RGCC: variants seen among roughly 807,000 people sequenced by gnomAD.
RGCC encodes the protein regulator of cell cycle RGCC.
Under a neutral mutation model 15.4 loss-of-function variants are expected in RGCC, and 15 were observed. The ratio of observed to expected loss-of-function variants is 0.97; its 90% confidence interval spans 0.65 to 1.50. The LOEUF (loss-of-function observed/expected upper bound fraction) is 1.50. Ranked by LOEUF, RGCC falls within the 40% of genes most tolerant of loss-of-function variation. The pLI is 0.00. For synonymous variants in RGCC, 81 were observed against 78.0 expected, an observed-to-expected ratio of 1.04 and a Z score of -0.20; for missense variants, 176 against 189.7, an observed-to-expected ratio of 0.93 and a Z score of 0.42.
intron 4 of RGCC, among the ~76,000 whole-genome samples, chr13:41,469,901 C>T (rs1327432898): frequency 6.6e-6 from 1 of 152,182 alleles, no homozygotes; most frequent in African/African-American, 2.4e-5. Context: ...GGACCAACTC[C>T]AGCTTCTGGG....
chr13:41,466,311 TCACA>T (rs551833598), intron 2 of RGCC, among the ~76,000 whole-genome samples: 110 of 151,338 alleles, frequency 7.3e-4, no homozygotes, highest in Non-Finnish European at 1.4e-3. Flanking sequence ...ACTTTCTCTC[TCACA>T]CACACACACT....
In RGCC at chr13:41,457,556, G is replaced by A; in HGVS notation, c.-152G>A. On this transcript the variant is annotated 5_prime_UTR_variant, in exon 1 of 5. Transcript: ENST00000379359. The surrounding 1 kb of genome is among the most constrained non-coding windows in gnomAD (Gnocchi z 4.9). ...AGGAACCCGAGCCGGTGGTAGGGCG[G>A]GCGCGGACCGTGCTGGGAGCGGCGC... 2 of 1,306,286 alleles carry A rather than the reference G, an allele frequency of 1.5e-6. No homozygotes were observed. The highest frequency in any genetic ancestry group is 2.0e-6 in the Non-Finnish European group (2 of 1,011,298). The allele number at this position is 1,306,286 out of a possible 1,614,324, so 80.9% of individuals were successfully genotyped here.
intron 4 of RGCC, 87 bp downstream of exon 4, chr13:41,468,925 C>G: frequency 9.5e-7 from 1 of 1,056,564 alleles, no homozygotes; most frequent in Non-Finnish European, 1.4e-6. Flanking sequence ...CCAGCTTGCC[C>G]TGGGGCAGAA....
intron 2 of RGCC, among the ~76,000 whole-genome samples, chr13:41,466,020 T>C (rs1593578246): frequency 6.6e-6 from 1 of 152,138 alleles, no homozygotes; most frequent in East Asian, 1.9e-4. Context: ...ACCCCCTTCC[T>C]GTATTGGGGA....
chr13:41,459,793 T>C (rs988393209), intron 2 of RGCC, among the ~76,000 whole-genome samples: 4 of 152,262 alleles, frequency 2.6e-5, no homozygotes, highest in Non-Finnish European at 5.9e-5. Context: ...AACTTAAATA[T>C]GTCTCCTCCT....
chr13:41,462,290 A>AC (rs758868674), intron 2 of RGCC, among the ~76,000 whole-genome samples: 1 of 151,068 alleles, frequency 6.6e-6, no homozygotes, highest in African/African-American at 2.4e-5. Context: ...CTTTCTCCCA[A>AC]CCCCCCTAGC....
At chr13:41,460,324 G>T (rs2043815069) in intron 2 of RGCC, among the ~76,000 whole-genome samples, 1 of 152,212 alleles carries the variant, frequency 6.6e-6, no homozygotes, top group Admixed American at 6.5e-5. Flanking sequence ...GCCAAGAATT[G>T]AGTACAGACA....
chr13:41,469,846 A>G (rs186494761), intron 4 of RGCC, among the ~76,000 whole-genome samples: 5 of 152,300 alleles, frequency 3.3e-5, no homozygotes, highest in Non-Finnish European at 7.4e-5. Flanking sequence ...CTCACAATCT[A>G]TCTACACACT....
chr13:41,459,427 G>C (rs1442422982), intron 2 of RGCC, among the ~76,000 whole-genome samples: 2 of 152,224 alleles, frequency 1.3e-5, no homozygotes, highest in Non-Finnish European at 2.9e-5. Context: ...GACTCAGGAC[G>C]TGAAAGTAAT....
At chr13:41,468,881 A>C (rs2043860776) in intron 4 of RGCC, 43 bp downstream of exon 4, 1 of 1,357,292 alleles carries the variant, frequency 7.4e-7, no homozygotes, top group African/African-American at 1.4e-5. Context: ...ACAAAAAACT[A>C]ACAGACACTT....
intron 2 of RGCC, among the ~76,000 whole-genome samples, chr13:41,459,372 C>T (rs1274845150): frequency 1.3e-5 from 2 of 152,146 alleles, no homozygotes; most frequent in East Asian, 3.8e-4. Flanking sequence ...GCCTTTAATC[C>T]TTAGATGGGT....
At chr13:41,468,874 A>G (rs1261713477) in intron 4 of RGCC, 36 bp downstream of exon 4, 1 of 1,426,732 alleles carries the variant, frequency 7.0e-7, no homozygotes, top group South Asian at 1.2e-5. Flanking sequence ...CAAAAAAACA[A>G]AAAACTAACA....
chr13:41,470,748 A>G lies in RGCC; in HGVS notation c.*263A>G. The stretch of plus-strand genomic sequence containing the variant: ...CTAATATTGTATTTTCTCTTAAAAC[A>G]TAGCTTTCCTGTAATTTAAAGTGCT... On this transcript the variant is annotated 3_prime_UTR_variant, in exon 5 of 5. Coordinates refer to ENST00000379359, the MANE Select transcript of RGCC (RefSeq NM_014059.3). The G allele has an allele frequency of 8.1e-6, 3 of 370,266 alleles. No homozygotes were observed. Among genetic ancestry groups the G allele is most frequent in the East Asian group, 4.1e-5 (1 of 24,384 alleles). The allele number at this position is 370,266 out of a possible 1,614,324, so 22.9% of individuals were successfully genotyped here.
intron 3 of RGCC, among the ~76,000 whole-genome samples, chr13:41,467,969 A>G (rs1393399310): frequency 1.3e-5 from 2 of 152,146 alleles, no homozygotes; most frequent in East Asian, 3.8e-4. Context: ...GGTGTTAATT[A>G]ATAAAACTGT....
intron 3 of RGCC, among the ~76,000 whole-genome samples, chr13:41,468,054 A>T (rs2139578247): frequency 6.6e-6 from 1 of 152,324 alleles, no homozygotes; most frequent in East Asian, 1.9e-4. Context: ...TATGAAAAAA[A>T]TCTCTACATC....
chr13:41,463,351 G>C (rs528795422), intron 2 of RGCC, among the ~76,000 whole-genome samples: 1 of 151,958 alleles, frequency 6.6e-6, no homozygotes, highest in African/African-American at 2.4e-5. Context: ...CTTCTTCTTG[G>C]TGGTCGAAGG....
At chr13:41,463,854 A>G (rs2043834468) in intron 2 of RGCC, among the ~76,000 whole-genome samples, 1 of 152,124 alleles carries the variant, frequency 6.6e-6, no homozygotes, top group Non-Finnish European at 1.5e-5. Flanking sequence ...CTCTTTTGTA[A>G]TGGCCTTTCC....
At chr13:41,465,447 C>A (rs2043842271) in intron 2 of RGCC, among the ~76,000 whole-genome samples, 2 of 152,182 alleles carry the variant, frequency 1.3e-5, no homozygotes, top group South Asian at 4.1e-4. Context: ...GTTTCCTTCC[C>A]CTTAGCAGGA....
chr13:41,457,889 C>T lies in RGCC; in HGVS notation c.49+133C>T. 1.6e-6 allele frequency: 2 copies of T among 1,286,508 alleles called. No individual in the cohort carries two copies. The highest frequency in any genetic ancestry group is 2.0e-6 in the Non-Finnish European group (2 of 998,148). The allele number at this position is 1,286,508 out of a possible 1,614,324, so 79.7% of individuals were successfully genotyped here. ...CCGGCGGGAACCTGTCCCCGGTCTT[C>T]CCGCGCGGGCGGCTGCAGCCTCCTT... On this transcript the variant is annotated intron_variant, in intron 1 of 4. Coordinates refer to ENST00000379359, the MANE Select transcript of RGCC (RefSeq NM_014059.3). This position sits in a 1 kb window ranked among gnomAD's most constrained non-coding sequence, Gnocchi z 4.9.
Sources: allele counts gnomAD v4.1 joint callset (sites outside exome capture counted in the v4.1 genomes callset), GRCh38; gene constraint gnomAD v4.1.1; non-coding constraint Gnocchi (gnomAD v3.1); transcripts MANE v1.5; gene names NCBI Gene and HGNC (gene_info 2026-07-23, HGNC 2026-07-21).